The following STXBP4 variants were observed in gnomAD, a reference collection of about 807,000 sequenced individuals.
STXBP4 encodes the protein syntaxin-binding protein 4.
Under a neutral mutation model 76.1 loss-of-function variants are expected in STXBP4, and 55 were observed. That is an observed-to-expected ratio of 0.72 (90% CI 0.58 to 0.91). The LOEUF (loss-of-function observed/expected upper bound fraction) is 0.91. Among genes scored for constraint, STXBP4 ranks in the 40% least tolerant of loss-of-function variants. The pLI is 0.00. For missense variants in STXBP4, 618 were observed against 636.9 expected (o/e 0.97, Z 0.32); for synonymous variants, 201 against 220.2 (o/e 0.91, Z 0.77).
At chr17:55,109,353 A>G (rs1472710197) in intron 16 of STXBP4, among the ~76,000 whole-genome samples, 3 of 152,134 alleles carry the variant, frequency 2.0e-5, no homozygotes, top group Admixed American at 6.5e-5. Flanking sequence ...AAAAATGTCA[A>G]GTATTCATTA....
intron 9 of STXBP4, among the ~76,000 whole-genome samples, chr17:55,033,733 T>G (rs536627861): frequency 6.6e-6 from 1 of 152,244 alleles, no homozygotes; most frequent in Non-Finnish European, 1.5e-5. Flanking sequence ...CTCAGAAGAC[T>G]GTTGGGAGGA....
At chr17:55,139,842 G>T (rs2080075987) in intron 16 of STXBP4, among the ~76,000 whole-genome samples, 1 of 152,168 alleles carries the variant, frequency 6.6e-6, no homozygotes, top group Non-Finnish European at 1.5e-5. Context: ...AATAGTTACA[G>T]AATTTTTGCT....
At chr17:55,038,829 A>G (rs1447891142) in intron 10 of STXBP4, among the ~76,000 whole-genome samples, 1 of 152,122 alleles carries the variant, frequency 6.6e-6, no homozygotes, top group African/African-American at 2.4e-5. Context: ...GATTTTTCAC[A>G]GTTTGGGCTC....
At chr17:55,185,290 TCTCCTTCTCCTTCTC>T in the STXBP4 span, among the ~76,000 whole-genome samples, 172 of 90,020 alleles carry the variant, frequency 1.9e-3, no homozygotes, top group African/African-American at 7.3e-3. Flanking sequence ...TCCTTCTCCT[TCTCCTTCTCCTTCTC>T]CTTCTCCTTC....
rs572046363 is a variant in STXBP4 at position 55,020,556 on chromosome 17, A to G, written c.667-10612A>G. 2.9e-4 allele frequency among the ~76,000 whole-genome samples: 44 copies of G among 152,194 alleles called. 1 individual carries two copies. The highest frequency in any genetic ancestry group is 6.8e-3 in the Middle Eastern group (2 of 294). ...CTTTCGGCCGGGCGTGATGGCTCACACCTGTAATCTCAGCACTTTGGGAGG... is the reference window on the plus strand; with the variant it reads ...CTTTCGGCCGGGCGTGATGGCTCACGCCTGTAATCTCAGCACTTTGGGAGG... On this transcript the variant is annotated intron_variant, in intron 8 of 17. Coordinates refer to ENST00000376352, the MANE Select transcript of STXBP4 (RefSeq NM_178509.6).
intron 12 of STXBP4, among the ~76,000 whole-genome samples, chr17:55,049,310 G>T: frequency 6.6e-6 from 1 of 151,800 alleles, no homozygotes; most frequent in East Asian, 1.9e-4. Flanking sequence ...GTTCCCAAAT[G>T]GTGAGAACTT....
intron 16 of STXBP4, among the ~76,000 whole-genome samples, chr17:55,141,016 A>G (rs1411471020): frequency 6.6e-6 from 1 of 152,158 alleles, no homozygotes. Flanking sequence ...CCACTGCAAC[A>G]CAAATTTTTG....
intron 16 of STXBP4, among the ~76,000 whole-genome samples, chr17:55,083,866 A>G (rs542730685): frequency 6.6e-6 from 1 of 152,134 alleles, no homozygotes; most frequent in South Asian, 2.1e-4. Context: ...CTTTCACCAT[A>G]TTCTATTCAT....
intron 1 of STXBP4, among the ~76,000 whole-genome samples, chr17:54,972,445 C>A (rs1490962848): frequency 6.6e-6 from 1 of 152,122 alleles, no homozygotes; most frequent in Non-Finnish European, 1.5e-5. Flanking sequence ...CCATATATTT[C>A]TTGTTTATTC....
chr17:55,203,074 A>T, the STXBP4 span, among the ~76,000 whole-genome samples: 1 of 152,140 alleles, frequency 6.6e-6, no homozygotes, highest in South Asian at 2.1e-4. Context: ...GTTGAGAAAA[A>T]GGCAGAAAGA....
At chr17:54,976,654 C>G (rs2077478459) in intron 1 of STXBP4, among the ~76,000 whole-genome samples, 1 of 152,142 alleles carries the variant, frequency 6.6e-6, no homozygotes, top group African/African-American at 2.4e-5. Context: ...GGCATTACCA[C>G]CTGAGCTCTA....
At chr17:55,209,786 G>A in the STXBP4 span, among the ~76,000 whole-genome samples, 1 of 152,140 alleles carries the variant, frequency 6.6e-6, no homozygotes, top group Admixed American at 6.5e-5. Context: ...GATAGCTTCG[G>A]CTTTCTGAGA....
At chr17:55,051,037 C>G (rs560245448) in intron 12 of STXBP4, among the ~76,000 whole-genome samples, 28 of 152,166 alleles carry the variant, frequency 1.8e-4, no homozygotes, top group African/African-American at 6.7e-4. Context: ...TGAAAATACA[C>G]CTGCCTATTT....
intron 16 of STXBP4, among the ~76,000 whole-genome samples, chr17:55,100,073 G>A (rs2079545306): frequency 6.6e-6 from 1 of 152,070 alleles, no homozygotes; most frequent in African/African-American, 2.4e-5. Context: ...ACCAGCCCAG[G>A]CATAAAAGGA....
At chr17:55,070,964 G>A (rs1309900507) in intron 12 of STXBP4, among the ~76,000 whole-genome samples, 1 of 152,104 alleles carries the variant, frequency 6.6e-6, no homozygotes, top group Non-Finnish European at 1.5e-5. Context: ...GCTAGATGCA[G>A]TGGCTGCTAA....
chr17:55,206,955 A>G, the STXBP4 span, among the ~76,000 whole-genome samples: 2 of 151,846 alleles, frequency 1.3e-5, no homozygotes, highest in Admixed American at 1.3e-4. Flanking sequence ...CATGACAGGC[A>G]TCTAAATTCT....
At chr17:55,193,833 A>AC in the STXBP4 span, among the ~76,000 whole-genome samples, 2 of 151,308 alleles carry the variant, frequency 1.3e-5, no homozygotes, top group Non-Finnish European at 2.9e-5. Flanking sequence ...AAAAAAAAAA[A>AC]ACGTAATTAA....
intron 8 of STXBP4, 50 bp from the exon 9 acceptor site, chr17:55,031,118 A>C: frequency 7.2e-7 from 1 of 1,397,930 alleles, no homozygotes; most frequent in Middle Eastern, 1.8e-4. Flanking sequence ...GAAAAGTTTT[A>C]TTCTTTGGAG....
chr17:55,206,857 G>GA, the STXBP4 span, among the ~76,000 whole-genome samples: 52 of 103,128 alleles, frequency 5.0e-4, 1 homozygote, highest in Non-Finnish European at 6.8e-4. Context: ...CTCCGTCTCA[G>GA]AAAAAAAAAA....
Sources: gnomAD v4.1 joint callset for allele counts (sites outside exome capture counted in the v4.1 genomes callset) on GRCh38, gnomAD v4.1.1 for gene constraint, MANE v1.5 for transcripts, NCBI Gene and HGNC (gene_info 2026-07-23, HGNC 2026-07-21) for gene names.